INPP4B: variants seen among roughly 807,000 people sequenced by gnomAD.
INPP4B encodes inositol polyphosphate 4-phosphatase type II.
INPP4B carries 55 observed loss-of-function variants against 122.5 expected under a neutral mutation model. The observed-to-expected ratio is 0.45, with a 90% CI of 0.36 to 0.56. The LOEUF is 0.56. Among genes scored for constraint, INPP4B ranks in the 20% least tolerant of loss-of-function variants. The pLI, the probability that INPP4B is intolerant of heterozygous loss-of-function variation, is 0.00. For missense variants in INPP4B, 1,000 were observed against 1,097.7 expected (o/e 0.91, Z 1.26); for synonymous variants, 403 against 388.7 (o/e 1.04, Z -0.43).
chr4:142,503,923 C>T (rs1823694324), intron 2 of INPP4B, among the ~76,000 whole-genome samples: 1 of 151,956 alleles, frequency 6.6e-6, no homozygotes, highest in Non-Finnish European at 1.5e-5. Context: ...TCCCATCCTT[C>T]ACCATACACA....
intron 25 of INPP4B, among the ~76,000 whole-genome samples, chr4:142,041,550 G>A (rs1227739810): frequency 6.6e-5 from 10 of 152,092 alleles, no homozygotes; most frequent in East Asian, 3.9e-4. Context: ...CCTGGGAGGC[G>A]GAGGTTGCAG....
At chr4:142,479,784 G>T (rs547516856) in intron 2 of INPP4B, among the ~76,000 whole-genome samples, 16 of 152,044 alleles carry the variant, frequency 1.1e-4, no homozygotes, top group African/African-American at 3.6e-4. Context: ...ACAAAGAAGG[G>T]AATAGATACT....
intron 1 of INPP4B, among the ~76,000 whole-genome samples, chr4:142,759,949 G>C (rs1354268635): frequency 3.3e-5 from 5 of 151,696 alleles, no homozygotes; most frequent in Admixed American, 2.0e-4. Flanking sequence ...CAAGGGGCAG[G>C]AGAAAAGGGG....
chr4:142,180,420 A>C (rs1056941423), intron 15 of INPP4B, among the ~76,000 whole-genome samples: 1 of 152,170 alleles, frequency 6.6e-6, no homozygotes, highest in Non-Finnish European at 1.5e-5. Context: ...CCAATATTTT[A>C]TACTGTATTT....
chr4:142,398,823 A>G (rs1181913906), intron 7 of INPP4B, among the ~76,000 whole-genome samples: 5 of 152,078 alleles, frequency 3.3e-5, no homozygotes, highest in African/African-American at 1.2e-4. Flanking sequence ...GGCAGTAAAA[A>G]AATGTCTTAG....
Position 142,773,606 on chromosome 4 carries a change from A to G in INPP4B, c.-253-47705T>C, listed in dbSNP as rs1043529773. Among the ~76,000 whole-genome samples, 8 of 152,324 alleles carry G rather than the reference A, an allele frequency of 5.3e-5. No individual in the cohort carries two copies. The South Asian group carries it at 1.5e-3, about 28-fold the overall frequency. On this transcript the variant is annotated intron_variant, in intron 1 of 25. Transcript: ENST00000262992. ...AAATTTTAAAGCAGCTTGAGCTTCA[A>G]TGCAATACACTTCTTAAAGGGTAGA...
chr4:142,766,370 A>G (rs746853479), intron 1 of INPP4B, among the ~76,000 whole-genome samples: 3 of 151,974 alleles, frequency 2.0e-5, no homozygotes, highest in Admixed American at 6.6e-5. Context: ...CAGAAAGCAT[A>G]AGGTGTTTTT....
intron 1 of INPP4B, among the ~76,000 whole-genome samples, chr4:142,756,730 G>A (rs1457521393): frequency 6.6e-6 from 1 of 152,098 alleles, no homozygotes; most frequent in East Asian, 1.9e-4. Flanking sequence ...AATAGCTTTT[G>A]TAAAATTTAT....
Position 142,145,958 on chromosome 4 carries a change from G to A in INPP4B, c.1602C>T (p.Cys534=), listed in dbSNP as rs1298309436. Residue 534 remains cysteine, a synonymous_variant, in exon 18 of 26, where the codon TGC becomes TGT. Coordinates refer to ENST00000262992, the MANE Select transcript of INPP4B (RefSeq NM_001101669.3). ...TCAGTTTGTCCACCATAGCAATAAT[G>A]CAGTTCAGGCTCTTCCCCACATTGG... is the stretch of plus-strand genomic sequence containing the variant. ...VWANVGKSLN[C]IIAMVDKLIE... 2 of 1,613,726 alleles carry A rather than the reference G, an allele frequency of 1.2e-6. No homozygotes were observed. Among genetic ancestry groups the A allele is most frequent in the Admixed American group, 1.7e-5 (1 of 60,010 alleles).
In INPP4B at chr4:142,431,160, CA is replaced by C; in HGVS notation, c.91+8del. The C allele has an allele frequency of 6.2e-7, 1 of 1,607,778 alleles. No individual in the cohort carries two copies. The highest frequency in any genetic ancestry group is 8.5e-7 in the Non-Finnish European group (1 of 1,174,618). The stretch of plus-strand genomic sequence containing the variant: ...ATGCAAAAACAGGGAGGGATACACA[CA>C]TACTTACTTGTGAACTGACAGTCCC... On this transcript the variant is annotated splice_region_variant and intron_variant, in intron 4 of 25. Transcript: ENST00000262992.
chr4:142,455,772 C>T (rs1484205051), intron 3 of INPP4B, among the ~76,000 whole-genome samples: 2 of 152,020 alleles, frequency 1.3e-5, no homozygotes, highest in South Asian at 4.1e-4. Flanking sequence ...TTTCCTCCAG[C>T]AGTGTATGGG....
At chr4:142,416,277 A>G (rs1376006034) in intron 5 of INPP4B, among the ~76,000 whole-genome samples, 1 of 152,102 alleles carries the variant, frequency 6.6e-6, no homozygotes, top group African/African-American at 2.4e-5. Flanking sequence ...GGAGGTAGCA[A>G]GCCGACAGGG....
At chr4:142,298,608 C>T (rs191748056) in intron 9 of INPP4B, among the ~76,000 whole-genome samples, 17 of 132,182 alleles carry the variant, frequency 1.3e-4, no homozygotes, top group Admixed American at 1.2e-3. Flanking sequence ...TGCTTCAACC[C>T]GGGATGCAGA....
chr4:142,466,264 GAA>G (rs899354293), intron 2 of INPP4B, among the ~76,000 whole-genome samples: 3 of 152,198 alleles, frequency 2.0e-5, no homozygotes, highest in African/African-American at 7.2e-5. Context: ...TGTCCAGGCT[GAA>G]GAGATCTCAC....
intron 2 of INPP4B, among the ~76,000 whole-genome samples, chr4:142,650,203 G>T (rs1231490980): frequency 1.3e-5 from 2 of 152,196 alleles, no homozygotes; most frequent in African/African-American, 4.8e-5. Flanking sequence ...CCTTGCAAGA[G>T]CTCCTGAAGG....
chr4:142,713,791 G>T (rs1325799868), intron 2 of INPP4B, among the ~76,000 whole-genome samples: 1 of 152,142 alleles, frequency 6.6e-6, no homozygotes, highest in Non-Finnish European at 1.5e-5. Context: ...CATCCTGGGG[G>T]TTTTAAGATC....
chr4:142,454,208 T>C (rs145191083), intron 3 of INPP4B, among the ~76,000 whole-genome samples: 74 of 152,234 alleles, frequency 4.9e-4, no homozygotes, highest in African/African-American at 1.3e-3. Context: ...TGAGTAAATA[T>C]CATGATTAAT....
chr4:142,735,977 A>G (rs1766822282), intron 1 of INPP4B, among the ~76,000 whole-genome samples: 1 of 148,440 alleles, frequency 6.7e-6, no homozygotes, highest in Non-Finnish European at 1.5e-5. Flanking sequence ...ATCCACCACT[A>G]TTCTCTGAAT....
chr4:142,484,494 C>T (rs1172888680), intron 2 of INPP4B, among the ~76,000 whole-genome samples: 2 of 152,108 alleles, frequency 1.3e-5, no homozygotes. Context: ...TTAGAAGGGT[C>T]TTGATACATC....
Sources: gnomAD v4.1 joint callset for allele counts (sites outside exome capture counted in the v4.1 genomes callset) on GRCh38, gnomAD v4.1.1 for gene constraint, MANE v1.5 for transcripts, NCBI Gene and HGNC (gene_info 2026-07-23, HGNC 2026-07-21) for gene names.